GFRA1: variants seen among roughly 807,000 people sequenced by gnomAD.
GFRA1 encodes the protein GDNF family receptor alpha 1.
In GFRA1, 16 loss-of-function variants were observed where a neutral mutation model predicts 51.6. The ratio of observed to expected loss-of-function variants is 0.31; its 90% CI spans 0.21 to 0.47. GFRA1 has a LOEUF of 0.47. Ranked by LOEUF, GFRA1 falls within the 20% of genes least tolerant of loss-of-function variation. The pLI, the probability that GFRA1 is intolerant of heterozygous loss-of-function variation, is 1.00. For missense variants in GFRA1, 530 were observed against 594.3 expected (o/e 0.89, Z 1.13); for synonymous variants, 270 against 241.3 (o/e 1.12, Z -1.10).
At chr10:116,245,510 G>C (rs1356944711) in intron 4 of GFRA1, among the ~76,000 whole-genome samples, 3 of 152,196 alleles carry the variant, frequency 2.0e-5, no homozygotes, top group Non-Finnish European at 2.9e-5. Flanking sequence ...CGCTTTGCAA[G>C]ACAGTTTGGA....
At chr10:116,213,113 A>AT (rs1486227058) in intron 4 of GFRA1, among the ~76,000 whole-genome samples, 2 of 152,210 alleles carry the variant, frequency 1.3e-5, no homozygotes, top group Non-Finnish European at 2.9e-5. Context: ...TTGATGGTAT[A>AT]TAAAAAAAGA....
chr10:116,165,451 A>G (rs1201234322), intron 5 of GFRA1, among the ~76,000 whole-genome samples: 2 of 152,208 alleles, frequency 1.3e-5, no homozygotes, highest in East Asian at 3.8e-4. Context: ...GCTCTCTCAC[A>G]TGATAATGTA....
chr10:116,181,811 T>G (rs866788347), intron 5 of GFRA1, among the ~76,000 whole-genome samples: 1 of 152,216 alleles, frequency 6.6e-6, no homozygotes, highest in Middle Eastern at 3.4e-3. Flanking sequence ...GCCCGGCTAA[T>G]TTTTTGTATT....
At chr10:116,269,625 C>A in intron 3 of GFRA1, 39 bp from the exon 4 acceptor site, 1 of 1,234,914 alleles carries the variant, frequency 8.1e-7, no homozygotes, top group Non-Finnish European at 1.2e-6. Flanking sequence ...ATCAGAAAAA[C>A]ATATATTTCA....
intron 5 of GFRA1, among the ~76,000 whole-genome samples, chr10:116,188,374 A>G (rs1962927878): frequency 6.6e-6 from 1 of 152,206 alleles, no homozygotes; most frequent in African/African-American, 2.4e-5. Context: ...AAGGACAAAT[A>G]GTTTATTATT....
At chr10:116,249,424 G>A (rs371067178) in intron 4 of GFRA1, among the ~76,000 whole-genome samples, 6 of 152,294 alleles carry the variant, frequency 3.9e-5, no homozygotes, top group African/African-American at 1.4e-4. Context: ...AGGTCCAGGA[G>A]GCATGGTCCT....
chr10:116,169,888 C>T (rs1039577309), intron 5 of GFRA1, among the ~76,000 whole-genome samples: 1 of 152,140 alleles, frequency 6.6e-6, no homozygotes, highest in African/African-American at 2.4e-5. Flanking sequence ...ACTAAAAGAG[C>T]ACTGATTGTA....
intron 5 of GFRA1, among the ~76,000 whole-genome samples, chr10:116,187,558 C>A (rs1962845008): frequency 1.3e-5 from 2 of 152,146 alleles, no homozygotes; most frequent in African/African-American, 4.8e-5. Context: ...CACCGATAAT[C>A]CAATGAAGGA....
intron 6 of GFRA1, among the ~76,000 whole-genome samples, chr10:116,111,480 C>T (rs1957210031): frequency 6.6e-6 from 1 of 152,196 alleles, no homozygotes; most frequent in Admixed American, 6.5e-5. Flanking sequence ...CATGTGTTGT[C>T]CCTGCCCGCA....
intron 9 of GFRA1, among the ~76,000 whole-genome samples, chr10:116,084,660 A>G (rs888224382): frequency 6.6e-6 from 1 of 152,124 alleles, no homozygotes; most frequent in Non-Finnish European, 1.5e-5. Context: ...CAAACACCAC[A>G]TTAAGATGTC....
intron 6 of GFRA1, among the ~76,000 whole-genome samples, chr10:116,110,529 C>T (rs113898953): frequency 4.6e-5 from 7 of 152,284 alleles, no homozygotes; most frequent in African/African-American, 1.2e-4. Context: ...ACACCCCTTC[C>T]GGCTTTCTCT....
rs930778639 is a variant in GFRA1 at position 116,255,502 on chromosome 10, A to C, written c.418+14001T>G. 1.2e-5 allele frequency: 11 copies of C among 956,240 alleles called. No individual in the cohort carries two copies. In the African/African-American group the frequency reaches 1.7e-4, roughly 15 times the overall value. 59.2% of individuals were successfully genotyped at this position (956,240 alleles called of 1,614,324 possible). A position where few individuals can be genotyped will look rare whatever the true frequency, so the allele number is the denominator to read the frequency against. ...ATTCTTGAGAATCATCAGGAAAAAAAAAAACAAAAAAAAAAACACTAGGTT... is the reference window on the plus strand; with the variant it reads ...ATTCTTGAGAATCATCAGGAAAAAACAAAACAAAAAAAAAAACACTAGGTT... On this transcript the variant is annotated intron_variant, in intron 4 of 10. Coordinates refer to ENST00000355422, the MANE Select transcript of GFRA1 (RefSeq NM_005264.8).
chr10:116,224,400 T>C (rs183103460), intron 4 of GFRA1, among the ~76,000 whole-genome samples: 2 of 152,156 alleles, frequency 1.3e-5, no homozygotes, highest in Admixed American at 6.5e-5. Context: ...CAAGAGTTCA[T>C]AGAAGCATTA....
intron 4 of GFRA1, among the ~76,000 whole-genome samples, chr10:116,218,641 C>G (rs1436812452): frequency 1.3e-5 from 2 of 152,246 alleles, no homozygotes; most frequent in African/African-American, 4.8e-5. Flanking sequence ...CGTGTAGCCA[C>G]ACGGCCAATA....
intron 4 of GFRA1, among the ~76,000 whole-genome samples, chr10:116,259,689 C>A (rs1038503355): frequency 6.6e-6 from 1 of 152,150 alleles, no homozygotes; most frequent in African/African-American, 2.4e-5. Context: ...ATAGCTCCTT[C>A]TAAATAAAGG....
At chr10:116,130,628 G>T (rs1958067726) in intron 5 of GFRA1, among the ~76,000 whole-genome samples, 2 of 151,968 alleles carry the variant, frequency 1.3e-5, no homozygotes, top group South Asian at 4.1e-4. Flanking sequence ...TGATTTTTTT[G>T]AAAGCAACAC....
At chr10:116,188,940 T>C (rs1962991743) in intron 5 of GFRA1, among the ~76,000 whole-genome samples, 1 of 150,678 alleles carries the variant, frequency 6.6e-6, no homozygotes. Flanking sequence ...ATCTACAGTA[T>C]TTATTATCAC....
At chr10:116,079,582 A>C (rs769481792) in intron 9 of GFRA1, among the ~76,000 whole-genome samples, 11 of 152,074 alleles carry the variant, frequency 7.2e-5, no homozygotes, top group East Asian at 1.9e-4. Context: ...GGCAGTGCTG[A>C]AAGGACATTT....
In GFRA1 at chr10:116,064,892, G is replaced by A. The variant is rs185094966; in HGVS notation, c.1252-348C>T. Among the ~76,000 whole-genome samples the A allele has an allele frequency of 7.9e-5, 12 of 152,230 alleles. No individual in the cohort carries two copies. In the East Asian group the frequency reaches 1.2e-3, roughly 15 times the overall value. On this transcript the variant is annotated intron_variant, in intron 10 of 10. Transcript: ENST00000355422. ...CCACGTTGCACAGGTAACTGACAGC[G>A]TTGGAGACAGGCAGAGCAGCCTCTC... is the stretch of plus-strand genomic sequence containing the variant.
Sources: allele counts gnomAD v4.1 joint callset (sites outside exome capture counted in the v4.1 genomes callset), GRCh38; gene constraint gnomAD v4.1.1; transcripts MANE v1.5; gene names NCBI Gene and HGNC (gene_info 2026-07-23, HGNC 2026-07-21).